The following ING5 variants were observed in gnomAD, a reference collection of about 807,000 sequenced individuals.
ING5 encodes the protein inhibitor of growth protein 5.
A neutral mutation model predicts 37.4 loss-of-function variants in ING5; 17 were observed. That is an observed-to-expected ratio of 0.45 (90% CI 0.31 to 0.68). The LOEUF is 0.68. ING5 is among the 30% of genes least tolerant of loss of function. The pLI is 0.05. For synonymous variants in ING5, 123 were observed against 116.6 expected (o/e 1.06, Z -0.36); for missense variants, 233 against 311.9 (o/e 0.75, Z 1.91).
At chr2:241,702,985 C>T (rs565615878) in intron 1 of ING5, among the ~76,000 whole-genome samples, 10 of 152,324 alleles carry the variant, frequency 6.6e-5, no homozygotes, top group African/African-American at 1.9e-4. Context: ...GGGGCTGAGA[C>T]AGTGGCGAGT....
At chr2:241,702,485 C>T (rs984651837) in intron 1 of ING5, among the ~76,000 whole-genome samples, 4 of 152,086 alleles carry the variant, frequency 2.6e-5, no homozygotes, top group African/African-American at 4.8e-5. Flanking sequence ...CCTGTCCCGT[C>T]TGCAGGAGGA....
chr2:241,688,020 T>C (rs1408229160), exon 1 of ING5: 1 of 152,232 alleles, frequency 6.6e-6, no homozygotes, highest in Admixed American at 6.5e-5. Context: ...CAGTAGTGTT[T>C]GCTGTTATCT....
intron 2 of ING5, among the ~76,000 whole-genome samples, chr2:241,707,944 C>T (rs1270931095): frequency 6.6e-6 from 1 of 152,134 alleles, no homozygotes; most frequent in African/African-American, 2.4e-5. Flanking sequence ...TACCATCAGG[C>T]TGGAGTGCAG....
At chr2:241,692,162 T>C (rs1223262591) in intron 2 of ING5, among the ~76,000 whole-genome samples, 1 of 152,120 alleles carries the variant, frequency 6.6e-6, no homozygotes, top group African/African-American at 2.4e-5. Context: ...GCACCAGTCA[T>C]GTGGTGAGCC....
chr2:241,711,360 T>C lies in ING5; in HGVS notation c.277-17T>C, dbSNP rs964922039. The C allele has an allele frequency of 1.4e-6, 2 of 1,471,894 alleles. No homozygotes were observed. The highest frequency in any genetic ancestry group is 2.6e-5 in the Admixed American group (1 of 38,302). The allele number at this position is 1,471,894 out of a possible 1,614,324, so 91.2% of individuals were successfully genotyped here. On this transcript the variant is annotated splice_polypyrimidine_tract_variant and intron_variant, in intron 3 of 7. Transcript: ENST00000313552. ...TTGGTTTTACTTTAAAATAAGACTTTGGGTATCCTTTTGTAGGTGGATAAA... is the reference window on the plus strand; with the variant it reads ...TTGGTTTTACTTTAAAATAAGACTTCGGGTATCCTTTTGTAGGTGGATAAA...
rs7587222 is a variant in ING5 at position 241,712,206 on chromosome 2, C to T, written c.482+135C>T. The T allele has an allele frequency of 3.0e-3, 2,150 of 721,664 alleles. 34 individuals are homozygous for T. The African/African-American group carries it at 0.035, about 12-fold the overall frequency. 44.7% of individuals were successfully genotyped at this position (721,664 alleles called of 1,614,324 possible). The stretch of plus-strand genomic sequence containing the variant: ...GGGTGGTATTCTGATTCTTACGCTG[C>T]GCGCCTGTCGTCAGCCTGTCCTCAC... On this transcript the variant is annotated intron_variant, in intron 5 of 7. Coordinates refer to ENST00000313552, the MANE Select transcript of ING5 (RefSeq NM_032329.6).
intron 5 of ING5, among the ~76,000 whole-genome samples, chr2:241,714,288 T>C (rs1246643524): frequency 6.6e-6 from 1 of 152,242 alleles, no homozygotes; most frequent in Non-Finnish European, 1.5e-5. Context: ...CTGTTGTTTT[T>C]CTAACCTTTT....
rs1159204295 is a variant in ING5 at position 241,708,291 on chromosome 2, C to T, written c.110-925C>T. On this transcript the variant is annotated intron_variant, in intron 2 of 7. Coordinates refer to ENST00000313552, the MANE Select transcript of ING5 (RefSeq NM_032329.6). ...GGCGCTATCTTGGCTTTCTTCAAGC[C>T]CCGCCTCCTGGGTTCACGCCATTCT... is the stretch of plus-strand genomic sequence containing the variant. Among the ~76,000 whole-genome samples the T allele has an allele frequency of 5.3e-5, 8 of 150,674 alleles. No homozygotes were observed. The Admixed American group carries it at 5.3e-4, about 10-fold the overall frequency.
intron 1 of ING5, 66 bp downstream of exon 1, chr2:241,702,168 C>T (rs2069751966): frequency 7.8e-6 from 8 of 1,027,040 alleles, no homozygotes; most frequent in Admixed American, 4.9e-5. Context: ...CAGCCCCCCG[C>T]GCGCCGGGCA....
At chr2:241,715,175 C>A (rs1487166697) in intron 5 of ING5, among the ~76,000 whole-genome samples, 2 of 151,946 alleles carry the variant, frequency 1.3e-5, no homozygotes, top group Non-Finnish European at 2.9e-5. Context: ...ATTTCGTTTA[C>A]CTATTTAAAA....
At chr2:241,696,347 C>T (rs779264991) in intron 2 of ING5, among the ~76,000 whole-genome samples, 3 of 151,964 alleles carry the variant, frequency 2.0e-5, no homozygotes, top group Non-Finnish European at 4.4e-5. Context: ...GCCGGGATCT[C>T]GCCACTGCAC....
intron 7 of ING5, chr2:241,723,699 C>G: frequency 6.6e-7 from 1 of 1,516,148 alleles, no homozygotes. Context: ...GGGCTCTGCC[C>G]CTGGCTCTGT....
intron 2 of ING5, among the ~76,000 whole-genome samples, 193 bp downstream of exon 2, chr2:241,704,917 T>C (rs2069856898): frequency 6.6e-6 from 1 of 152,240 alleles, no homozygotes; most frequent in Admixed American, 6.5e-5. Context: ...TTTCTTGGGT[T>C]CTTACACATC....
At chr2:241,713,571 C>T (rs958213899) in intron 5 of ING5, among the ~76,000 whole-genome samples, 3 of 150,890 alleles carry the variant, frequency 2.0e-5, no homozygotes, top group African/African-American at 7.3e-5. Context: ...TGAGGTTTCA[C>T]CTTGTTAGTC....
intron 5 of ING5, among the ~76,000 whole-genome samples, chr2:241,713,666 C>T (rs973328302): frequency 6.6e-6 from 1 of 151,578 alleles, no homozygotes; most frequent in African/African-American, 2.4e-5. Flanking sequence ...CCACTGTGCC[C>T]AGCCCCAATT....
chr2:241,720,915 CG>C (rs2070416255), intron 5 of ING5: 1 of 985,522 alleles, frequency 1.0e-6, no homozygotes, highest in African/African-American at 1.7e-5. Context: ...GAGGCCTGCA[CG>C]GTGGCCTCAG....
At chr2:241,724,839 G>T (rs947723149) in intron 7 of ING5, 150 bp from the exon 8 acceptor site, 2 of 695,868 alleles carry the variant, frequency 2.9e-6, no homozygotes, top group Non-Finnish European at 4.9e-6. Context: ...TTTTCCCTGC[G>T]GGAGGGCCGC....
chr2:241,719,686 G>C, intron 5 of ING5: 1 of 1,524,310 alleles, frequency 6.6e-7, no homozygotes, highest in African/African-American at 1.4e-5. Flanking sequence ...CCCTGTTGGG[G>C]TCGGGGCTTC....
At chr2:241,712,775 C>T (rs1056010050) in intron 5 of ING5, among the ~76,000 whole-genome samples, 16 of 152,010 alleles carry the variant, frequency 1.1e-4, no homozygotes, top group Admixed American at 5.2e-4. Flanking sequence ...CCTATAATTC[C>T]CGCACTTTGG....
Sources: gnomAD v4.1 joint callset for allele counts (sites outside exome capture counted in the v4.1 genomes callset) on GRCh38, gnomAD v4.1.1 for gene constraint, MANE v1.5 for transcripts, NCBI Gene and HGNC (gene_info 2026-07-23, HGNC 2026-07-21) for gene names.